The following SRPK2 variants were observed in gnomAD, a reference collection of about 807,000 sequenced individuals.
SRPK2 encodes the protein SRSF protein kinase 2.
Under a neutral mutation model 90.8 loss-of-function variants are expected in SRPK2, and 21 were observed. The observed-to-expected ratio is 0.23, with a 90% CI of 0.16 to 0.33. The LOEUF (loss-of-function observed/expected upper bound fraction) is 0.33, where lower values mean the gene tolerates loss of function less well. Ranked by LOEUF, SRPK2 falls within the 10% of genes least tolerant of loss-of-function variation. The pLI, the probability that SRPK2 is intolerant of heterozygous loss-of-function variation, is 1.00. For synonymous variants in SRPK2, 288 were observed against 311.1 expected, an observed-to-expected ratio of 0.93 and a Z score of 0.78; for missense variants, 620 against 869.0, an observed-to-expected ratio of 0.71 and a Z score of 3.60.
intron 2 of SRPK2, among the ~76,000 whole-genome samples, chr7:105,317,780 T>A (rs1230719769): frequency 6.6e-6 from 1 of 152,216 alleles, no homozygotes; most frequent in Non-Finnish European, 1.5e-5. Context: ...TTGCTGTTGT[T>A]GTTGAGACAG....
At chr7:105,381,702 G>T (rs1820970127) in intron 2 of SRPK2, among the ~76,000 whole-genome samples, 2 of 152,116 alleles carry the variant, frequency 1.3e-5, no homozygotes, top group African/African-American at 4.8e-5. Context: ...AAGCAAAAAT[G>T]TTTGTTGAAT....
intron 7 of SRPK2, among the ~76,000 whole-genome samples, chr7:105,148,904 T>C (rs956418889): frequency 1.3e-5 from 2 of 152,200 alleles, no homozygotes; most frequent in Non-Finnish European, 2.9e-5. Context: ...AGCAGTATAC[T>C]TGGTAAAAGT....
chr7:105,386,485 C>T (rs549871811), intron 2 of SRPK2, among the ~76,000 whole-genome samples: 15 of 152,020 alleles, frequency 9.9e-5, no homozygotes, highest in African/African-American at 3.1e-4. Context: ...AGGCCGAGGC[C>T]GGTGAATCAC....
intron 2 of SRPK2, among the ~76,000 whole-genome samples, chr7:105,229,211 A>G (rs994259730): frequency 6.6e-6 from 1 of 152,166 alleles, no homozygotes; most frequent in Admixed American, 6.5e-5. Flanking sequence ...CGCCCGTAAT[A>G]CCAGCACTTT....
chr7:105,150,034 G>A (rs376957687), intron 7 of SRPK2, among the ~76,000 whole-genome samples: 4 of 151,874 alleles, frequency 2.6e-5, no homozygotes, highest in African/African-American at 7.3e-5. Flanking sequence ...TGAGTATGAC[G>A]GGTGGGGTAA....
intron 2 of SRPK2, among the ~76,000 whole-genome samples, chr7:105,345,251 C>T (rs1007144303): frequency 2.0e-5 from 3 of 151,804 alleles, no homozygotes; most frequent in Admixed American, 6.6e-5. Flanking sequence ...ATTTAAAACA[C>T]TGAAGGAAGG....
At chr7:105,204,113 A>G (rs1462604856) in intron 2 of SRPK2, among the ~76,000 whole-genome samples, 1 of 152,220 alleles carries the variant, frequency 6.6e-6, no homozygotes, top group South Asian at 2.1e-4. Context: ...TTTAAGTGAA[A>G]TGAAAGCGTA....
intron 2 of SRPK2, among the ~76,000 whole-genome samples, chr7:105,237,821 T>C (rs1039961243): frequency 1.3e-5 from 2 of 152,180 alleles, no homozygotes; most frequent in South Asian, 4.1e-4. Context: ...AAGATATTTC[T>C]ATTTTTCCTG....
chr7:105,301,208 C>T (rs943048122), intron 2 of SRPK2, among the ~76,000 whole-genome samples: 1 of 151,464 alleles, frequency 6.6e-6, no homozygotes, highest in African/African-American at 2.4e-5. Flanking sequence ...CTTTGGGAGG[C>T]CGAGGCAGGC....
intron 2 of SRPK2, among the ~76,000 whole-genome samples, chr7:105,282,685 G>T (rs1585520710): frequency 1.3e-5 from 2 of 152,120 alleles, no homozygotes; most frequent in South Asian, 4.2e-4. Context: ...GCTACTCGGG[G>T]GACTGAGGCA....
chr7:105,214,933 A>C (rs1027796188), intron 2 of SRPK2, among the ~76,000 whole-genome samples: 13 of 152,332 alleles, frequency 8.5e-5, no homozygotes, highest in African/African-American at 3.1e-4. Context: ...CGCACTTTCC[A>C]ATTTCAAAAC....
chr7:105,390,483 C>G (rs1485244809), upstream of SRPK2, among the ~76,000 whole-genome samples: 2 of 152,066 alleles, frequency 1.3e-5, no homozygotes, highest in African/African-American at 4.8e-5. Flanking sequence ...GGCTGGAGTG[C>G]AGTGGCGCAA....
At chr7:105,169,633 G>C (rs1040017182) in intron 3 of SRPK2, among the ~76,000 whole-genome samples, 1 of 152,096 alleles carries the variant, frequency 6.6e-6, no homozygotes, top group Non-Finnish European at 1.5e-5. Context: ...AGGCTGAGGG[G>C]AGAGAATCAC....
chr7:105,173,120 T>A (rs565419432), intron 3 of SRPK2, among the ~76,000 whole-genome samples: 61 of 150,870 alleles, frequency 4.0e-4, no homozygotes, highest in South Asian at 3.5e-3. Flanking sequence ...AGAGGGGCAT[T>A]TTTTTTTTAA....
chr7:105,229,808 TG>T (rs537322288), intron 2 of SRPK2, among the ~76,000 whole-genome samples: 1 of 45,556 alleles, frequency 2.2e-5, no homozygotes, highest in South Asian at 8.5e-4. Context: ...AGGCAGTGGG[TG>T]GGGGGGAATG....
At chr7:105,154,685 T>G (rs139637079) in intron 7 of SRPK2, among the ~76,000 whole-genome samples, 5 of 152,274 alleles carry the variant, frequency 3.3e-5, no homozygotes, top group Admixed American at 3.3e-4. Context: ...GCTATACTTT[T>G]TTTGTTTGTT....
intron 2 of SRPK2, among the ~76,000 whole-genome samples, chr7:105,262,605 C>T (rs904786353): frequency 6.6e-6 from 1 of 152,276 alleles, no homozygotes; most frequent in African/African-American, 2.4e-5. Flanking sequence ...TACCCACGGC[C>T]TCTAGTACCC....
intron 3 of SRPK2, among the ~76,000 whole-genome samples, chr7:105,202,453 A>C (rs1483659548): frequency 6.6e-6 from 1 of 152,228 alleles, no homozygotes; most frequent in Non-Finnish European, 1.5e-5. Context: ...CAGGAGCTCC[A>C]AATTCCAGAA....
chr7:105,141,456 CAA>C (rs1803763866), intron 11 of SRPK2, among the ~76,000 whole-genome samples: 1 of 152,168 alleles, frequency 6.6e-6, no homozygotes, highest in Admixed American at 6.5e-5. Context: ...GACAAGAACA[CAA>C]GAGCCAATCT....
Sources: gnomAD v4.1 joint callset for allele counts (sites outside exome capture counted in the v4.1 genomes callset) on GRCh38, gnomAD v4.1.1 for gene constraint, MANE v1.5 for transcripts, NCBI Gene and HGNC (gene_info 2026-07-23, HGNC 2026-07-21) for gene names.